UBE3B: variants seen among roughly 807,000 people sequenced by gnomAD.
UBE3B encodes the protein ubiquitin protein ligase E3B.
Under a neutral mutation model 132.3 loss-of-function variants are expected in UBE3B, and 80 were observed. The ratio of observed to expected loss-of-function variants is 0.60; its 90% CI spans 0.50 to 0.73. The LOEUF (loss-of-function observed/expected upper bound fraction) is 0.73. Ranked by LOEUF, UBE3B falls within the 30% of genes least tolerant of loss-of-function variation. UBE3B has a pLI of 0.00. For synonymous variants in UBE3B, 487 were observed against 520.4 expected, an observed-to-expected ratio of 0.94 and a Z score of 0.87; for missense variants, 1,196 against 1,362.5, an observed-to-expected ratio of 0.88 and a Z score of 1.92.
intron 24 of UBE3B, among the ~76,000 whole-genome samples, chr12:109,527,882 C>T (rs1273385108): frequency 6.6e-6 from 1 of 152,180 alleles, no homozygotes; most frequent in African/African-American, 2.4e-5. Context: ...TGATGTTTAC[C>T]ATCCTCAGAT....
rs181150030 is a variant in UBE3B, at chr12:109,515,415, G to A, written c.1957-1350G>A. ...ACAGAGTTTCACTCTTGTTGCCCAG[G>A]CTGGAGTGTGATGGTACGATCTTGG... On this transcript the variant is annotated intron_variant, in intron 18 of 27. Coordinates refer to ENST00000342494, the MANE Select transcript of UBE3B (RefSeq NM_130466.4). Among the ~76,000 whole-genome samples the A allele has an allele frequency of 2.4e-3, 370 of 152,068 alleles. 3 individuals carry two copies. The highest frequency in any genetic ancestry group is 8.5e-3 in the African/African-American group (352 of 41,468).
At chr12:109,536,922 C>T (rs180684614), downstream of UBE3B, among the ~76,000 whole-genome samples, 1,219 of 152,328 alleles carry the variant, frequency 8.0e-3, 7 homozygotes, top group Non-Finnish European at 0.014. Context: ...GATGAGCACC[C>T]TCTATGGGCC....
At position 109,510,472 on chromosome 12, in the gene UBE3B, G is replaced by T; in HGVS notation, c.1856+14G>T. ...CTGGCTGCGAAAGTGAGCTCCAGGG[G>T]TGAGGAGGGCTCCATGGAAGCCAGC... On this transcript the variant is annotated intron_variant, in intron 17 of 27. Coordinates refer to ENST00000342494, the MANE Select transcript of UBE3B (RefSeq NM_130466.4). The T allele has an allele frequency of 6.2e-7, 1 of 1,600,394 alleles. No individual in the cohort carries two copies. The highest frequency in any genetic ancestry group is 1.3e-5 in the African/African-American group (1 of 74,914).
At chr12:109,492,598 C>G (rs935168740) in intron 9 of UBE3B, 1 of 152,150 alleles carries the variant, frequency 6.6e-6, no homozygotes, top group Non-Finnish European at 1.5e-5. Flanking sequence ...CAAACATTAG[C>G]TGGGCATGGT....
At chr12:109,488,507 T>C in intron 6 of UBE3B, 65 bp from the exon 7 acceptor site, 1 of 1,448,438 alleles carries the variant, frequency 6.9e-7, no homozygotes, top group Non-Finnish European at 9.7e-7. Context: ...AGTTGTAAAG[T>C]GAACACTTCA....
chr12:109,498,067 T>C (rs1878464831), intron 10 of UBE3B, 144 bp downstream of exon 10: 1 of 1,308,332 alleles, frequency 7.6e-7, no homozygotes, highest in Non-Finnish European at 1.1e-6. Context: ...GATAGACACA[T>C]TTGTGTTAGT....
intron 27 of UBE3B, 195 bp downstream of exon 27, chr12:109,533,753 C>T (rs1883191225): frequency 1.2e-6 from 1 of 823,966 alleles, no homozygotes; most frequent in African/African-American, 1.7e-5. Context: ...TGCCCACGGA[C>T]TCAGCCCTCT....
rs1287033105 is a variant in UBE3B at position 109,491,027 on chromosome 12, T to C, written c.631-18T>C. 6.2e-7 allele frequency: 1 copy of C among 1,611,708 alleles called. No individual in the cohort carries two copies. The highest frequency in any genetic ancestry group is 8.5e-7 in the Non-Finnish European group (1 of 1,178,268). On this transcript the variant is annotated intron_variant, in intron 8 of 27. Coordinates refer to ENST00000342494, the MANE Select transcript of UBE3B (RefSeq NM_130466.4). ...AAAGTTGATATCATCCTCTGACCAA[T>C]TAAAACATTCTTTTCAGATATTGTT... is the stretch of plus-strand genomic sequence containing the variant.
chr12:109,513,315 C>A (rs1007353800), intron 18 of UBE3B, among the ~76,000 whole-genome samples: 3 of 152,126 alleles, frequency 2.0e-5, no homozygotes, highest in Non-Finnish European at 2.9e-5. Flanking sequence ...AGGTGCTGCA[C>A]AATATTTTAA....
chr12:109,508,670 A>G, intron 15 of UBE3B: 5 of 985,664 alleles, frequency 5.1e-6, no homozygotes, highest in Non-Finnish European at 6.0e-6. Flanking sequence ...GTTGGAGGCA[A>G]GAGCAGGGGT....
chr12:109,514,002 A>G (rs1489231597), intron 18 of UBE3B, among the ~76,000 whole-genome samples: 1 of 152,178 alleles, frequency 6.6e-6, no homozygotes, highest in Non-Finnish European at 1.5e-5. Context: ...CCATTATACC[A>G]TCTGCCCTAA....
At chr12:109,524,626 C>A in intron 23 of UBE3B, 123 bp downstream of exon 23, 1 of 1,073,432 alleles carries the variant, frequency 9.3e-7, no homozygotes, top group Non-Finnish European at 1.4e-6. Context: ...CCTTGTCCTC[C>A]CCACCCCTCG....
At chr12:109,481,321 A>G (rs1278132873) in intron 1 of UBE3B, among the ~76,000 whole-genome samples, 1 of 152,148 alleles carries the variant, frequency 6.6e-6, no homozygotes, top group Non-Finnish European at 1.5e-5. Context: ...CTCAAAAAAA[A>G]AAAAAAGGAA....
rs1307999333 is a variant in UBE3B at position 109,522,717 on chromosome 12, A to G, written c.2364+1166A>G. Among the ~76,000 whole-genome samples, 1 of 152,210 alleles carries G rather than the reference A, an allele frequency of 6.6e-6. No individual in the cohort carries two copies. The highest frequency in any genetic ancestry group is 2.4e-5 in the African/African-American group (1 of 41,454). ...GAAACAGTCTATGTGCACCGGCCTC[A>G]GTCCCTGGCCATGATGGAATCAGGT... is the stretch of plus-strand genomic sequence containing the variant. On this transcript the variant is annotated intron_variant, in intron 21 of 27. Coordinates refer to ENST00000342494, the MANE Select transcript of UBE3B (RefSeq NM_130466.4). The surrounding 1 kb of genome is among the most constrained non-coding windows in gnomAD (Gnocchi z 4.2).
At chr12:109,490,671 A>G in intron 8 of UBE3B, 1 of 1,497,412 alleles carries the variant, frequency 6.7e-7, no homozygotes, top group East Asian at 2.5e-5. Flanking sequence ...GTCTGGCATT[A>G]TTTGTATTAG....
At position 109,524,646 on chromosome 12, in the gene UBE3B, C is replaced by T. The variant is rs932112545; in HGVS notation, c.2568+143C>T. 4.5e-5 allele frequency: 40 copies of T among 880,704 alleles called. No individual in the cohort carries two copies. In the South Asian group the frequency reaches 5.2e-4, roughly 11 times the overall value. The allele number at this position is 880,704 out of a possible 1,614,324, so 54.6% of individuals were successfully genotyped here. On this transcript the variant is annotated intron_variant, in intron 23 of 27. Transcript: ENST00000342494. ...TCCTCCCCACCCCTCGCCCATCCTC[C>T]TCCCCTCTTGCCAGGAGGGAGGGCC...
rs537348722 is a variant in UBE3B, at chr12:109,509,777, A to G, written c.1741+63A>G. On this transcript the variant is annotated intron_variant, in intron 16 of 27. Transcript: ENST00000342494. ...TGCACCCAGGGAGGCCGAAGAGTCT[A>G]TGGCATCAACTGATTCTTAGCTTTA... 72 of 1,029,540 alleles carry G rather than the reference A, an allele frequency of 7.0e-5. No individual in the cohort carries two copies. In the East Asian group the frequency reaches 1.1e-3, roughly 16 times the overall value. The allele number at this position is 1,029,540 out of a possible 1,614,324, so 63.8% of individuals were successfully genotyped here.
At chr12:109,482,692 G>A (rs1385408412) in intron 2 of UBE3B, among the ~76,000 whole-genome samples, 1 of 147,242 alleles carries the variant, frequency 6.8e-6, no homozygotes, top group Non-Finnish European at 1.5e-5. Context: ...CCGGGGGTCA[G>A]TGCTGTGTGC....
chr12:109,532,085 G>A (rs1016396035), intron 26 of UBE3B, among the ~76,000 whole-genome samples: 3 of 152,102 alleles, frequency 2.0e-5, no homozygotes, highest in African/African-American at 7.2e-5. Flanking sequence ...TGTGTCCTCC[G>A]CCCCTCCCCG....
Sources: gnomAD v4.1 joint callset for allele counts (sites outside exome capture counted in the v4.1 genomes callset) on GRCh38, gnomAD v4.1.1 for gene constraint, Gnocchi (gnomAD v3.1) non-coding constraint, MANE v1.5 for transcripts, NCBI Gene and HGNC (gene_info 2026-07-23, HGNC 2026-07-21) for gene names.